MAP4K1: variants seen among roughly 807,000 people sequenced by gnomAD.
The protein encoded by MAP4K1 is MAPK/ERK kinase kinase kinase 1.
A neutral mutation model predicts 122.8 loss-of-function variants in MAP4K1; 35 were observed. That is an observed-to-expected ratio of 0.29 (90% CI 0.22 to 0.38). The LOEUF (loss-of-function observed/expected upper bound fraction) is 0.38, where lower values mean the gene tolerates loss of function less well. Among genes scored for constraint, MAP4K1 ranks in the 10% least tolerant of loss-of-function variants. The pLI, the probability that MAP4K1 is intolerant of heterozygous loss-of-function variation, is 1.00. For missense variants in MAP4K1, 791 were observed against 1,072.6 expected, an observed-to-expected ratio of 0.74 and a Z score of 3.67; for synonymous variants, 412 against 421.3, an observed-to-expected ratio of 0.98 and a Z score of 0.27.
intron 20 of MAP4K1, among the ~76,000 whole-genome samples, chr19:38,600,579 T>G (rs943419980): frequency 2.6e-5 from 4 of 152,124 alleles, no homozygotes; most frequent in African/African-American, 9.7e-5. Flanking sequence ...ACACTGACCT[T>G]GTCTTCATCT....
Position 38,617,294 on chromosome 19 carries a change from A to C in MAP4K1, c.248+60T>G. On this transcript the variant is annotated intron_variant, in intron 3 of 30. Coordinates refer to ENST00000396857, the MANE Select transcript of MAP4K1 (RefSeq NM_001042600.3). The surrounding 1 kb of genome is among the most constrained non-coding windows in gnomAD (Gnocchi z 4.1). Reference sequence around the variant, plus strand: ...AAGAACTGAGGGTACCCCCATCAAGAAATGGGGACTCCGGGTTAGGGGCTG... The same window carrying C: ...AAGAACTGAGGGTACCCCCATCAAGCAATGGGGACTCCGGGTTAGGGGCTG... 1 of 1,145,246 alleles carries C rather than the reference A, an allele frequency of 8.7e-7. No individual in the cohort carries two copies. The highest frequency in any genetic ancestry group is 1.7e-5 in the Admixed American group (1 of 59,336). 70.9% of individuals were successfully genotyped at this position (1,145,246 alleles called of 1,614,324 possible).
chr19:38,598,455 A>G (rs1470560768), intron 22 of MAP4K1, among the ~76,000 whole-genome samples: 1 of 152,020 alleles, frequency 6.6e-6, no homozygotes, highest in Non-Finnish European at 1.5e-5. Flanking sequence ...CAGCCTCCCG[A>G]GTAGCTGGAA....
chr19:38,595,435 A>G (rs764610924), intron 29 of MAP4K1, 50 bp downstream of exon 29: 35 of 1,583,480 alleles, frequency 2.2e-5, no homozygotes, highest in Non-Finnish European at 3.0e-5. Flanking sequence ...GATGAATGTC[A>G]TGATGGAGGC....
chr19:38,611,439 T>C (rs960554975), intron 9 of MAP4K1, 134 bp from the exon 10 acceptor site: 2 of 681,090 alleles, frequency 2.9e-6, no homozygotes, highest in Non-Finnish European at 5.3e-6. Context: ...GTTCAGGTTT[T>C]ACAGTGCACC....
chr19:38,596,624 A>G (rs1285251408), intron 25 of MAP4K1, 138 bp from the exon 26 acceptor site: 8 of 763,814 alleles, frequency 1.0e-5, no homozygotes, highest in African/African-American at 1.8e-5. Context: ...GTCAGGGGAT[A>G]AGGCCTGGTG....
At chr19:38,610,120 G>T in intron 11 of MAP4K1, 95 bp from the exon 12 acceptor site, 1 of 832,430 alleles carries the variant, frequency 1.2e-6, no homozygotes, top group Non-Finnish European at 2.0e-6. Context: ...CTTGGGGACT[G>T]GACTAAAGGA....
intron 19 of MAP4K1, among the ~76,000 whole-genome samples, chr19:38,603,231 CACAT>C (rs1336836975): frequency 7.0e-6 from 1 of 142,394 alleles, no homozygotes; most frequent in African/African-American, 2.6e-5. Flanking sequence ...TATACATATA[CACAT>C]ATATATACAC....
chr19:38,595,707 C>G lies in MAP4K1; in HGVS notation c.2202G>C (p.Pro734=), dbSNP rs752817783. ...GAAGTCCCCGGACTGGGGACCCCTC[C>G]GGGGTCACCAGCTTCACAGAGCCTG... is the stretch of plus-strand genomic sequence containing the variant. The part of the protein sequence containing the change: ...LMDGSVKLVT[P]EGSPVRGLRT... Residue 734 remains proline, a synonymous_variant, in exon 28 of 31, where the codon CCG becomes CCC. Coordinates refer to ENST00000396857, the MANE Select transcript of MAP4K1 (RefSeq NM_001042600.3). The G allele has an allele frequency of 6.2e-7, 1 of 1,605,930 alleles. No homozygotes were observed. Among genetic ancestry groups the G allele is most frequent in the South Asian group, 1.1e-5 (1 of 90,202 alleles).
chr19:38,614,195 C>T, intron 6 of MAP4K1, 50 bp downstream of exon 6: 1 of 1,610,432 alleles, frequency 6.2e-7, no homozygotes, highest in Non-Finnish European at 8.5e-7. Context: ...AATGCCACTC[C>T]CATCTCCTGG....
At chr19:38,599,882 C>T in intron 22 of MAP4K1, 43 bp downstream of exon 22, 1 of 1,598,130 alleles carries the variant, frequency 6.3e-7, no homozygotes, top group Non-Finnish European at 8.6e-7. Flanking sequence ...CCCTTGGACC[C>T]CTTAACTTCC....
chr19:38,596,090 C>T, intron 26 of MAP4K1, 89 bp from the exon 27 acceptor site: 1 of 1,424,224 alleles, frequency 7.0e-7, no homozygotes, highest in Non-Finnish European at 9.9e-7. Context: ...GTGCTTTAGC[C>T]ACCGCCTCAG....
chr19:38,603,320 GTACATATATACGCATA>G (rs1415471918), intron 19 of MAP4K1, among the ~76,000 whole-genome samples: 2 of 139,320 alleles, frequency 1.4e-5, no homozygotes, highest in Admixed American at 7.1e-5. Flanking sequence ...ATATACACAT[GTACATATATACGCATA>G]TACATATATA....
intron 8 of MAP4K1, 89 bp downstream of exon 8, chr19:38,613,791 G>C: frequency 9.9e-7 from 1 of 1,009,482 alleles, no homozygotes; most frequent in Non-Finnish European, 1.5e-6. Context: ...GCAGGGGAAC[G>C]GAGCCAGGAA....
chr19:38,616,282 A>ATAATAATAGCAGTAAATACATTATTAT, intron 3 of MAP4K1, 23 bp from the exon 4 acceptor site: 1 of 1,587,796 alleles, frequency 6.3e-7, no homozygotes, highest in South Asian at 1.1e-5. Flanking sequence ...AAGAGTAAGA[A>ATAATAATAGCAGTAAATACATTATTAT]TAATAATAGC....
intron 30 of MAP4K1, among the ~76,000 whole-genome samples, chr19:38,590,387 AAAAAAAAATATATATATATATATATATAT>A (rs1408806398): frequency 7.1e-5 from 5 of 70,762 alleles, no homozygotes; most frequent in Admixed American, 5.3e-4. Flanking sequence ...AAAAAAAAAA[AAAAAAAAATATATATATATATATATATAT>A]ATATATATAT....
At chr19:38,611,419 T>C (rs906787363) in intron 9 of MAP4K1, 114 bp from the exon 10 acceptor site, 26 of 738,604 alleles carry the variant, frequency 3.5e-5, no homozygotes, top group Non-Finnish European at 6.3e-5. Context: ...AGAAACAGCA[T>C]GGAAGTGAGG....
chr19:38,605,368 C>G, intron 19 of MAP4K1, 41 bp downstream of exon 19: 1 of 1,505,562 alleles, frequency 6.6e-7, no homozygotes. Flanking sequence ...CATCCCCAGC[C>G]CCGTCCAGAG....
At position 38,607,332 on chromosome 19, in the gene MAP4K1, G is replaced by A. The variant is rs190233540; in HGVS notation, c.1157+532C>T. On this transcript the variant is annotated intron_variant, in intron 16 of 30. Transcript: ENST00000396857. The stretch of plus-strand genomic sequence containing the variant: ...TCGCAGCACTTTGGGAGGCTGAGAT[G>A]GGCGGATCATGAGGTCAGGAGTTTG... Among the ~76,000 whole-genome samples, 236 of 152,042 alleles carry A rather than the reference G, an allele frequency of 1.6e-3. No homozygotes were observed. The Middle Eastern group carries it at 0.044, about 28-fold the overall frequency.
intron 20 of MAP4K1, among the ~76,000 whole-genome samples, chr19:38,600,789 C>G (rs930679174): frequency 6.6e-5 from 10 of 150,600 alleles, no homozygotes; most frequent in African/African-American, 2.4e-4. Flanking sequence ...TCCAACTCAT[C>G]CCTCTACCCA....
Sources: allele counts gnomAD v4.1 joint callset (sites outside exome capture counted in the v4.1 genomes callset), GRCh38; gene constraint gnomAD v4.1.1; non-coding constraint Gnocchi (gnomAD v3.1); transcripts MANE v1.5; gene names NCBI Gene and HGNC (gene_info 2026-07-23, HGNC 2026-07-21).